The following HMCES variants were observed in gnomAD, a reference collection of about 807,000 sequenced individuals.
The protein encoded by HMCES is 5-hydroxymethylcytosine binding, ES cell specific.
Under a neutral mutation model 35.1 loss-of-function variants are expected in HMCES, and 27 were observed. The observed-to-expected ratio is 0.77, with a 90% CI of 0.57 to 1.06. HMCES has a LOEUF of 1.06. Among genes scored for constraint, HMCES ranks in the 50% least tolerant of loss-of-function variants. The pLI is 0.00. For synonymous variants in HMCES, 130 were observed against 154.7 expected (o/e 0.84, Z 1.18); for missense variants, 391 against 430.4 (o/e 0.91, Z 0.81).
intron 4 of HMCES, among the ~76,000 whole-genome samples, chr3:129,294,626 A>G (rs2071069940): frequency 1.3e-5 from 2 of 152,168 alleles, no homozygotes. Context: ...ATACATTGCT[A>G]TTTTACTGTA....
At chr3:129,293,657 A>G (rs1444537949) in intron 4 of HMCES, among the ~76,000 whole-genome samples, 1 of 132,298 alleles carries the variant, frequency 7.6e-6, no homozygotes, top group Non-Finnish European at 1.5e-5. Context: ...TGCAACCTCC[A>G]CCTCCTGGGT....
chr3:129,299,862 C>T (rs1163622841), intron 5 of HMCES, among the ~76,000 whole-genome samples: 1 of 151,844 alleles, frequency 6.6e-6, no homozygotes, highest in Non-Finnish European at 1.5e-5. Flanking sequence ...ATCTCCTGAC[C>T]TTGTGATCCA....
At position 129,288,888 on chromosome 3, in the gene HMCES, T is replaced by C; in HGVS notation, c.218T>C (p.Met73Thr). ...ADSSERIIAP[M>T]RWGLVPSWFK... Reference sequence around the variant, plus strand: ...TCATCTGAGCGTATCATTGCTCCCATGCGCTGGGGCTTGGTCCCTTCTTGG... The same window carrying C: ...TCATCTGAGCGTATCATTGCTCCCACGCGCTGGGGCTTGGTCCCTTCTTGG... The change falls in exon 3 of 7, where the codon ATG becomes ACG. Residue 73 changes from methionine to threonine, a missense_variant. Transcript: ENST00000383463. 1 of 1,591,158 alleles carries C rather than the reference T, an allele frequency of 6.3e-7. No homozygotes were observed. Among genetic ancestry groups the C allele is most frequent in the Non-Finnish European group, 8.6e-7 (1 of 1,161,840 alleles).
chr3:129,296,353 G>A lies in HMCES; in HGVS notation c.454-2001G>A, dbSNP rs779867299. On this transcript the variant is annotated intron_variant, in intron 4 of 6. Coordinates refer to ENST00000383463, the MANE Select transcript of HMCES (RefSeq NM_020187.3). ...TGGGATTACAGGCATGAGCCTCTGC[G>A]CCTGGCCATTATTGACCTATCTTTA... is the stretch of plus-strand genomic sequence containing the variant. 3.3e-4 allele frequency among the ~76,000 whole-genome samples: 50 copies of A among 152,240 alleles called. 6 individuals carry two copies. Among genetic ancestry groups the A allele is most frequent in the Admixed American group, 9.2e-4 (14 of 15,282 alleles).
chr3:129,299,245 G>C (rs1271659952), intron 5 of HMCES, among the ~76,000 whole-genome samples: 2 of 152,200 alleles, frequency 1.3e-5, no homozygotes, highest in African/African-American at 4.8e-5. Flanking sequence ...AGTGTTGGAA[G>C]AAATGCATCT....
chr3:129,280,036 C>G, intron 2 of HMCES, 121 bp downstream of exon 2: 2 of 811,796 alleles, frequency 2.5e-6, no homozygotes, highest in Non-Finnish European at 3.7e-6. Flanking sequence ...CTGATATATT[C>G]TGACTTCCAG....
chr3:129,282,494 T>A (rs562782805), intron 2 of HMCES, among the ~76,000 whole-genome samples: 161 of 152,262 alleles, frequency 1.1e-3, no homozygotes, highest in African/African-American at 3.7e-3. Flanking sequence ...GGATGCATCC[T>A]GGAACCAGGA....
Position 129,305,170 on chromosome 3 carries a change from T to TG in HMCES, c.*345_*346insG. The stretch of plus-strand genomic sequence containing the variant: ...CTGGTACTCCTTGTAGTAAGCTGTT[T>TG]TCTGCTCAGCCACTGGGCTCTTTCA... On this transcript the variant is annotated 3_prime_UTR_variant, in exon 7 of 7. Coordinates refer to ENST00000383463, the MANE Select transcript of HMCES (RefSeq NM_020187.3). 1 of 245,446 alleles carries TG rather than the reference T, an allele frequency of 4.1e-6. No homozygotes were observed. Among genetic ancestry groups the TG allele is most frequent in the Admixed American group, 5.1e-5 (1 of 19,786 alleles). The allele number at this position is 245,446 out of a possible 1,614,324, so 15.2% of individuals were successfully genotyped here.
chr3:129,294,530 A>C (rs568020300), intron 4 of HMCES, among the ~76,000 whole-genome samples: 1 of 152,370 alleles, frequency 6.6e-6, no homozygotes, highest in Non-Finnish European at 1.5e-5. Context: ...ACTATTGAAA[A>C]TACCTTACAA....
At chr3:129,282,045 T>C (rs1368818749) in intron 2 of HMCES, among the ~76,000 whole-genome samples, 1 of 152,126 alleles carries the variant, frequency 6.6e-6, no homozygotes, top group Admixed American at 6.5e-5. Context: ...AAACTTTTTG[T>C]TTTAAATGAG....
intron 4 of HMCES, 128 bp from the exon 5 acceptor site, chr3:129,298,226 G>C: frequency 2.5e-6 from 2 of 792,018 alleles, no homozygotes; most frequent in Non-Finnish European, 4.1e-6. Context: ...TGACAGAGGG[G>C]TTAATAAGAC....
intron 5 of HMCES, 113 bp downstream of exon 5, chr3:129,298,648 C>T: frequency 2.2e-6 from 2 of 889,470 alleles, no homozygotes; most frequent in Non-Finnish European, 3.4e-6. Context: ...CGTAAAGTTA[C>T]AATCAGTTTG....
intron 5 of HMCES, among the ~76,000 whole-genome samples, chr3:129,301,539 G>T (rs939216407): frequency 6.6e-6 from 1 of 152,086 alleles, no homozygotes; most frequent in African/African-American, 2.4e-5. Context: ...CTTTTCTGAC[G>T]CATGGCTTCC....
At chr3:129,285,787 T>C (rs1239600212) in intron 2 of HMCES, among the ~76,000 whole-genome samples, 1 of 149,438 alleles carries the variant, frequency 6.7e-6, no homozygotes, top group African/African-American at 2.5e-5. Flanking sequence ...TAGAGTGCAG[T>C]GGCACAATCT....
intron 5 of HMCES, among the ~76,000 whole-genome samples, chr3:129,299,543 A>G (rs1576992712): frequency 6.6e-6 from 1 of 152,296 alleles, no homozygotes; most frequent in African/African-American, 2.4e-5. Flanking sequence ...CGAAACCAGT[A>G]AACTAACCAC....
At chr3:129,290,871 A>ATTT in intron 4 of HMCES, 67 bp downstream of exon 4, 1 of 1,458,068 alleles carries the variant, frequency 6.9e-7, no homozygotes, top group Non-Finnish European at 9.4e-7. Context: ...TCCAAAGGAC[A>ATTT]TTTTTTTCTT....
chr3:129,295,236 A>G (rs2071077765), intron 4 of HMCES, among the ~76,000 whole-genome samples: 1 of 151,432 alleles, frequency 6.6e-6, no homozygotes, highest in Admixed American at 6.6e-5. Context: ...TTTAAAATGT[A>G]CAGTGGTTTT....
In HMCES at chr3:129,290,679, G is replaced by A. The variant is rs1279523549; in HGVS notation, c.328G>A (p.Val110Met). Reference sequence around the variant, plus strand: ...ATATCTTGCTCACATTTTCCCTCAGGTGCCTCTGGGAAAGGGAAGACGCTG... The same window carrying A: ...ATATCTTGCTCACATTTTCCCTCAGATGCCTCTGGGAAAGGGAAGACGCTG... ...DTVMEKRSFK[V>M]PLGKGRRCVV... The change falls in exon 4 of 7, where the codon GTG becomes ATG. Residue 110 changes from valine to methionine, a missense_variant and splice_region_variant. Val to Met is a conservative substitution (Grantham distance 21). Coordinates refer to ENST00000383463, the MANE Select transcript of HMCES (RefSeq NM_020187.3). The A allele has an allele frequency of 6.2e-7, 1 of 1,612,744 alleles. No homozygotes were observed. The highest frequency in any genetic ancestry group is 8.5e-7 in the Non-Finnish European group (1 of 1,179,098).
In HMCES at chr3:129,302,285, A is replaced by G. The variant is rs974289768; in HGVS notation, c.828+143A>G. ...TCATACTCCTTGTACACAGCAAGGT[A>G]GTGTAGAGCAGCAATTCTCAAACCT... On this transcript the variant is annotated intron_variant, in intron 6 of 6. Transcript: ENST00000383463. The G allele has an allele frequency of 1.3e-5, 8 of 626,004 alleles. No homozygotes were observed. The Admixed American group carries it at 2.4e-4, about 19-fold the overall frequency. 38.8% of individuals were successfully genotyped at this position (626,004 alleles called of 1,614,324 possible).
Sources: gnomAD v4.1 joint callset for allele counts (sites outside exome capture counted in the v4.1 genomes callset) on GRCh38, gnomAD v4.1.1 for gene constraint, MANE v1.5 for transcripts, NCBI Gene and HGNC (gene_info 2026-07-23, HGNC 2026-07-21) for gene names.